The following PRKAG2 variants were observed in gnomAD, a reference collection of about 807,000 sequenced individuals.
PRKAG2 encodes the protein protein kinase AMP-activated non-catalytic subunit gamma 2, also known as 5'-AMP-activated protein kinase subunit gamma-2.
Under a neutral mutation model 69.6 loss-of-function variants are expected in PRKAG2, and 26 were observed. That is an observed-to-expected ratio of 0.37 (90% CI 0.27 to 0.52). The LOEUF (loss-of-function observed/expected upper bound fraction) is 0.52, where lower values mean the gene tolerates loss of function less well. Ranked by LOEUF, PRKAG2 falls within the 20% of genes least tolerant of loss-of-function variation. The pLI is 0.90. For missense variants in PRKAG2, 557 were observed against 740.0 expected (o/e 0.75, Z 2.87); for synonymous variants, 293 against 285.0 (o/e 1.03, Z -0.28).
chr7:151,838,776 C>T (rs1252651703), intron 1 of PRKAG2, among the ~76,000 whole-genome samples: 2 of 150,710 alleles, frequency 1.3e-5, no homozygotes, highest in Admixed American at 6.6e-5. Flanking sequence ...ACACTTTGGG[C>T]GGCTGAGACA....
chr7:151,754,132 C>G (rs2074904615), intron 3 of PRKAG2, among the ~76,000 whole-genome samples: 1 of 152,238 alleles, frequency 6.6e-6, no homozygotes, highest in Admixed American at 6.5e-5. Context: ...CCTGAGAGAA[C>G]TAGAGGACTC....
intron 4 of PRKAG2, among the ~76,000 whole-genome samples, chr7:151,665,128 C>T (rs1231325785): frequency 6.6e-6 from 1 of 152,100 alleles, no homozygotes; most frequent in Non-Finnish European, 1.5e-5. Context: ...CAGAGTTCTG[C>T]TTCTACAGGA....
At chr7:151,683,991 C>T (rs775721548) in intron 3 of PRKAG2, among the ~76,000 whole-genome samples, 3 of 152,244 alleles carry the variant, frequency 2.0e-5, no homozygotes, top group Non-Finnish European at 2.9e-5. Flanking sequence ...ACCCTCTCCC[C>T]GCACGGCCCC....
intron 3 of PRKAG2, among the ~76,000 whole-genome samples, chr7:151,774,256 C>G (rs2076225205): frequency 6.6e-6 from 1 of 152,094 alleles, no homozygotes; most frequent in South Asian, 2.1e-4. Flanking sequence ...ATACAGGCAG[C>G]CTCTGAGAGG....
chr7:151,875,774 C>G (rs912722319), intron 1 of PRKAG2, among the ~76,000 whole-genome samples: 3 of 152,128 alleles, frequency 2.0e-5, no homozygotes, highest in African/African-American at 7.2e-5. Flanking sequence ...GCCCCTCTGG[C>G]TGGACAAAGT....
intron 3 of PRKAG2, among the ~76,000 whole-genome samples, chr7:151,733,654 C>T (rs1166887116): frequency 1.3e-5 from 2 of 151,986 alleles, no homozygotes; most frequent in Admixed American, 6.6e-5. Context: ...AGGATTCCAT[C>T]CCTCCTCTCC....
At position 151,814,317 on chromosome 7, in the gene PRKAG2, C is replaced by G. The variant is rs2078570696; in HGVS notation, c.115-27776G>C. 1 of 845,704 alleles carries G rather than the reference C, an allele frequency of 1.2e-6. No individual in the cohort carries two copies. The allele number at this position is 845,704 out of a possible 1,614,324, so 52.4% of individuals were successfully genotyped here. ...AAGCCACAATTCAGCATCAGTCTTA[C>G]ACACCAAGGAGACAAAGCATCGTGA... On this transcript the variant is annotated intron_variant, in intron 1 of 15. Transcript: ENST00000287878. The surrounding 1 kb of genome is among the most constrained non-coding windows in gnomAD (Gnocchi z 4.8).
At position 151,784,200 on chromosome 7, in the gene PRKAG2, C is replaced by T. The variant is rs149036245; in HGVS notation, c.186+2270G>A. On this transcript the variant is annotated intron_variant, in intron 2 of 15. Coordinates refer to ENST00000287878, the MANE Select transcript of PRKAG2 (RefSeq NM_016203.4). ...CGAGGGTGTGAACCGGAAGAGGAGCCGAGGCCACATGGGAGGACCGGAGGG... is the reference window on the plus strand; with the variant it reads ...CGAGGGTGTGAACCGGAAGAGGAGCTGAGGCCACATGGGAGGACCGGAGGG... Among the ~76,000 whole-genome samples, 27 of 152,144 alleles carry T rather than the reference C, an allele frequency of 1.8e-4. No individual in the cohort carries two copies. In the East Asian group the frequency reaches 4.3e-3, roughly 24 times the overall value.
chr7:151,712,274 C>T (rs1036141292), intron 3 of PRKAG2, among the ~76,000 whole-genome samples: 9 of 152,300 alleles, frequency 5.9e-5, no homozygotes, highest in African/African-American at 1.9e-4. Flanking sequence ...CCGGGAAGGA[C>T]GCTCTGCTGG....
chr7:151,867,521 A>C (rs1255474640), intron 1 of PRKAG2, among the ~76,000 whole-genome samples: 2 of 152,056 alleles, frequency 1.3e-5, no homozygotes, highest in African/African-American at 4.8e-5. Flanking sequence ...CTCTTCTTAG[A>C]AGGACTCCAG....
chr7:151,663,265 T>G (rs1196011971), intron 4 of PRKAG2, among the ~76,000 whole-genome samples: 1 of 152,118 alleles, frequency 6.6e-6, no homozygotes, highest in Non-Finnish European at 1.5e-5. Context: ...ACTCCAAATC[T>G]CCTCAATCAG....
intron 3 of PRKAG2, among the ~76,000 whole-genome samples, chr7:151,693,738 C>T (rs186884590): frequency 1.8e-4 from 28 of 152,204 alleles, no homozygotes; most frequent in East Asian, 5.8e-4. Context: ...CAAGAGGGAC[C>T]GCAGAGAGAC....
chr7:151,596,591 A>G (rs561395496), intron 5 of PRKAG2, among the ~76,000 whole-genome samples: 4 of 152,264 alleles, frequency 2.6e-5, no homozygotes, highest in African/African-American at 9.6e-5. Context: ...TCTACTAAAA[A>G]TACAAAAATT....
At chr7:151,873,479 G>A (rs2080267324) in intron 1 of PRKAG2, among the ~76,000 whole-genome samples, 1 of 152,180 alleles carries the variant, frequency 6.6e-6, no homozygotes. Flanking sequence ...ATGATCCATA[G>A]GTAATGACCA....
chr7:151,590,947 A>T (rs954289424), intron 6 of PRKAG2, among the ~76,000 whole-genome samples: 1 of 152,182 alleles, frequency 6.6e-6, no homozygotes, highest in African/African-American at 2.4e-5. Context: ...GGCACTGCTG[A>T]GTCCGTGTTT....
At chr7:151,834,387 G>C (rs1197028192) in intron 1 of PRKAG2, among the ~76,000 whole-genome samples, 1 of 152,254 alleles carries the variant, frequency 6.6e-6, no homozygotes, top group Non-Finnish European at 1.5e-5. Flanking sequence ...CAGGCACACT[G>C]AGTTAGCAAA....
intron 6 of PRKAG2, among the ~76,000 whole-genome samples, chr7:151,592,909 C>T (rs2151122453): frequency 6.6e-6 from 1 of 152,310 alleles, no homozygotes; most frequent in East Asian, 1.9e-4. Context: ...TTTACCTTGA[C>T]TTAACCAATG....
At chr7:151,730,844 T>C (rs1254109077) in intron 3 of PRKAG2, among the ~76,000 whole-genome samples, 1 of 152,166 alleles carries the variant, frequency 6.6e-6, no homozygotes, top group Non-Finnish European at 1.5e-5. Context: ...ATGCTGGCGT[T>C]CTGGGCAAGA....
chr7:151,598,837 A>G (rs1484800831), intron 5 of PRKAG2, among the ~76,000 whole-genome samples: 1 of 151,134 alleles, frequency 6.6e-6, no homozygotes, highest in Non-Finnish European at 1.5e-5. Flanking sequence ...AAGCTAATTG[A>G]CAATTTATTT....
Sources: allele counts gnomAD v4.1 joint callset (sites outside exome capture counted in the v4.1 genomes callset), GRCh38; gene constraint gnomAD v4.1.1; non-coding constraint Gnocchi (gnomAD v3.1); transcripts MANE v1.5; gene names NCBI Gene and HGNC (gene_info 2026-07-23, HGNC 2026-07-21).